Variants in RGS17 observed in about 807,000 individuals in gnomAD.
RGS17 encodes regulator of G protein signaling 17.
A neutral mutation model predicts 25.5 loss-of-function variants in RGS17; 12 were observed. The ratio of observed to expected loss-of-function variants is 0.47; its 90% CI spans 0.30 to 0.76. The LOEUF (loss-of-function observed/expected upper bound fraction) is 0.76, where lower values mean the gene tolerates loss of function less well. Ranked by LOEUF, RGS17 falls within the 30% of genes least tolerant of loss-of-function variation. The pLI, the probability that RGS17 is intolerant of heterozygous loss-of-function variation, is 0.07. For synonymous variants in RGS17, 71 were observed against 76.9 expected (o/e 0.92, Z 0.40); for missense variants, 196 against 242.2 (o/e 0.81, Z 1.27).
At chr6:153,106,924 G>T (rs555471992) in intron 1 of RGS17, among the ~76,000 whole-genome samples, 1 of 151,412 alleles carries the variant, frequency 6.6e-6, no homozygotes, top group Admixed American at 6.6e-5. Flanking sequence ...GTCAGCCACC[G>T]TGCCTGGCTG....
chr6:153,121,338 A>G (rs1230549416), intron 1 of RGS17, among the ~76,000 whole-genome samples: 1 of 152,172 alleles, frequency 6.6e-6, no homozygotes, highest in Non-Finnish European at 1.5e-5. Context: ...ACTTTCAGGA[A>G]CATAACCTAT....
intron 1 of RGS17, among the ~76,000 whole-genome samples, chr6:153,076,596 G>A (rs576128215): frequency 6.6e-6 from 1 of 152,264 alleles, no homozygotes; most frequent in African/African-American, 2.4e-5. Flanking sequence ...ATCCTAAGGT[G>A]AGCCAAGGGC....
intron 1 of RGS17, among the ~76,000 whole-genome samples, chr6:153,081,313 C>G (rs1776976675): frequency 6.6e-6 from 1 of 152,012 alleles, no homozygotes; most frequent in African/African-American, 2.4e-5. Context: ...ATTGTTATGT[C>G]TTCTTGATTA....
intron 1 of RGS17, among the ~76,000 whole-genome samples, chr6:153,047,218 C>T (rs9371658): frequency 0.39 from 58,793 of 151,908 alleles, 12,103 homozygotes; most frequent in East Asian, 0.62. Flanking sequence ...CAGAAGAAAA[C>T]AAAATTAGAG....
At chr6:153,018,733 G>A (rs1038327206) in intron 4 of RGS17, among the ~76,000 whole-genome samples, 1 of 152,134 alleles carries the variant, frequency 6.6e-6, no homozygotes, top group Non-Finnish European at 1.5e-5. Flanking sequence ...TTAAGGGATC[G>A]GCCAGTGTCT....
intron 1 of RGS17, among the ~76,000 whole-genome samples, chr6:153,102,922 T>C (rs902927200): frequency 6.6e-6 from 1 of 152,252 alleles, no homozygotes; most frequent in African/African-American, 2.4e-5. Flanking sequence ...TGGCAGTTGG[T>C]AGACTCTCAG....
intron 2 of RGS17, among the ~76,000 whole-genome samples, chr6:153,034,871 T>C (rs1014984545): frequency 5.3e-5 from 8 of 152,140 alleles, no homozygotes; most frequent in African/African-American, 1.9e-4. Context: ...TTGCTTTGGC[T>C]GCGAGCGGCG....
chr6:153,120,616 C>T (rs567225107), intron 1 of RGS17, among the ~76,000 whole-genome samples: 2 of 152,300 alleles, frequency 1.3e-5, no homozygotes, highest in African/African-American at 4.8e-5. Context: ...GCACAGCTCC[C>T]GCCCGGTAAT....
chr6:153,012,594 G>C (rs1293160304), intron 4 of RGS17, among the ~76,000 whole-genome samples: 1 of 152,122 alleles, frequency 6.6e-6, no homozygotes, highest in Non-Finnish European at 1.5e-5. Flanking sequence ...GGCAATAAGG[G>C]CATGGTTGGA....
intron 2 of RGS17, among the ~76,000 whole-genome samples, chr6:153,029,039 A>G (rs1256667670): frequency 1.3e-5 from 2 of 152,210 alleles, no homozygotes; most frequent in Non-Finnish European, 2.9e-5. Context: ...AAACATCCCA[A>G]ATGCTACCAT....
chr6:153,117,664 A>C (rs1298953534), intron 1 of RGS17, among the ~76,000 whole-genome samples: 3 of 152,214 alleles, frequency 2.0e-5, no homozygotes, highest in African/African-American at 7.2e-5. Context: ...TGATATTCTC[A>C]GGACAAAATT....
intron 1 of RGS17, among the ~76,000 whole-genome samples, chr6:153,103,039 T>C (rs1777327264): frequency 6.6e-6 from 1 of 152,208 alleles, no homozygotes; most frequent in Non-Finnish European, 1.5e-5. Flanking sequence ...GCTCAGTGAA[T>C]AAAGAATATG....
At chr6:153,072,194 AT>A (rs1210957681) in intron 1 of RGS17, among the ~76,000 whole-genome samples, 1 of 152,170 alleles carries the variant, frequency 6.6e-6, no homozygotes, top group African/African-American at 2.4e-5. Context: ...ATATGAAAAA[AT>A]ATAAGCAATT....
intron 1 of RGS17, among the ~76,000 whole-genome samples, chr6:153,111,146 T>C (rs1777463662): frequency 6.6e-6 from 1 of 152,060 alleles, no homozygotes; most frequent in Admixed American, 6.5e-5. Context: ...GTGGTCTAGC[T>C]CAGCGGATCC....
intron 1 of RGS17, among the ~76,000 whole-genome samples, chr6:153,111,160 CCCCACGGAG>C (rs1311748542): frequency 6.6e-6 from 1 of 152,192 alleles, no homozygotes; most frequent in Non-Finnish European, 1.5e-5. Context: ...CGGATCCCAC[CCCCACGGAG>C]CCCAGCAAGC....
chr6:153,088,343 A>G (rs1458792934), intron 1 of RGS17, among the ~76,000 whole-genome samples: 1 of 152,208 alleles, frequency 6.6e-6, no homozygotes, highest in East Asian at 1.9e-4. Context: ...AATTTGTTAT[A>G]TAACAGTAAA....
chr6:153,070,578 C>T lies in RGS17; in HGVS notation c.-25-26535G>A, dbSNP rs1436878389. Among the ~76,000 whole-genome samples the T allele has an allele frequency of 3.3e-5, 5 of 151,742 alleles. No homozygotes were observed. In the East Asian group the frequency reaches 9.7e-4, roughly 30 times the overall value. On this transcript the variant is annotated intron_variant, in intron 1 of 4. Coordinates refer to ENST00000206262, the MANE Select transcript of RGS17 (RefSeq NM_012419.5). Reference sequence around the variant, plus strand: ...GAGGACCAACTGTAAGGGACTTGAACATCAAGAGTTTTGATATTCTTGGGG... The same window carrying T: ...GAGGACCAACTGTAAGGGACTTGAATATCAAGAGTTTTGATATTCTTGGGG...
chr6:153,122,408 T>C (rs933105209), intron 1 of RGS17, among the ~76,000 whole-genome samples: 1 of 152,166 alleles, frequency 6.6e-6, no homozygotes, highest in Non-Finnish European at 1.5e-5. Context: ...CCATCATTTA[T>C]ATAAACATAG....
chr6:153,053,252 A>G (rs943025319), intron 1 of RGS17, among the ~76,000 whole-genome samples: 14 of 152,234 alleles, frequency 9.2e-5, no homozygotes, highest in African/African-American at 3.1e-4. Context: ...TCACAAAACA[A>G]TGTTGAATAA....
Sources: allele counts gnomAD v4.1 joint callset (sites outside exome capture counted in the v4.1 genomes callset), GRCh38; gene constraint gnomAD v4.1.1; transcripts MANE v1.5; gene names NCBI Gene and HGNC (gene_info 2026-07-23, HGNC 2026-07-21).